Variants in GALNTL6 observed in about 807,000 individuals in gnomAD.
GALNTL6 encodes polypeptide N-acetylgalactosaminyltransferase like 6, also known as polypeptide N-acetylgalactosaminyltransferase-like 6.
A neutral mutation model predicts 73.7 loss-of-function variants in GALNTL6; 46 were observed. That is an observed-to-expected ratio of 0.62 (90% confidence interval 0.49 to 0.80). The LOEUF is 0.80. Among genes scored for constraint, GALNTL6 ranks in the 30% least tolerant of loss-of-function variants. GALNTL6 has a pLI of 0.00. For synonymous variants in GALNTL6, 259 were observed against 263.7 expected (o/e 0.98, Z 0.17); for missense variants, 604 against 755.0 (o/e 0.80, Z 2.34).
intron 5 of GALNTL6, among the ~76,000 whole-genome samples, chr4:172,426,877 C>T (rs1007155343): frequency 6.6e-6 from 1 of 151,052 alleles, no homozygotes; most frequent in African/African-American, 2.4e-5. Context: ...ACTGGACTGG[C>T]ACAGAAACAT....
intron 5 of GALNTL6, among the ~76,000 whole-genome samples, chr4:172,585,012 A>T (rs1003021870): frequency 6.6e-6 from 1 of 152,194 alleles, no homozygotes; most frequent in Admixed American, 6.5e-5. Flanking sequence ...ATGTGATGAC[A>T]TAAAATGCAC....
intron 2 of GALNTL6, among the ~76,000 whole-genome samples, chr4:171,847,385 T>A (rs1411003178): frequency 6.6e-6 from 1 of 152,170 alleles, no homozygotes; most frequent in Non-Finnish European, 1.5e-5. Context: ...TAGAGAGACT[T>A]GCCTCGATGT....
At chr4:172,422,051 T>G (rs527750947) in intron 5 of GALNTL6, among the ~76,000 whole-genome samples, 1 of 152,224 alleles carries the variant, frequency 6.6e-6, no homozygotes, top group South Asian at 2.1e-4. Context: ...TATTCACTAT[T>G]TTTTGTGCCT....
At chr4:172,489,226 C>T (rs1196219987) in intron 5 of GALNTL6, among the ~76,000 whole-genome samples, 1 of 152,088 alleles carries the variant, frequency 6.6e-6, no homozygotes, top group East Asian at 1.9e-4. Flanking sequence ...GTATAATTCT[C>T]CAAAACAATT....
At chr4:171,970,353 A>C (rs1024684103) in intron 2 of GALNTL6, among the ~76,000 whole-genome samples, 30 of 152,222 alleles carry the variant, frequency 2.0e-4, no homozygotes, top group African/African-American at 6.8e-4. Flanking sequence ...CCTTAATTAG[A>C]AATCAGAAGT....
At chr4:172,637,194 T>C (rs1264546180) in intron 5 of GALNTL6, among the ~76,000 whole-genome samples, 1 of 152,132 alleles carries the variant, frequency 6.6e-6, no homozygotes, top group Non-Finnish European at 1.5e-5. Context: ...AAGGTAAATT[T>C]GGGTAAGGAT....
intron 2 of GALNTL6, among the ~76,000 whole-genome samples, chr4:172,150,233 T>G (rs1432801348): frequency 1.3e-5 from 2 of 152,224 alleles, no homozygotes; most frequent in Admixed American, 6.5e-5. Context: ...CCTTGCATAC[T>G]CAATGTCTGC....
At chr4:171,893,329 T>G (rs1736815157) in intron 2 of GALNTL6, among the ~76,000 whole-genome samples, 1 of 152,094 alleles carries the variant, frequency 6.6e-6, no homozygotes, top group Non-Finnish European at 1.5e-5. Flanking sequence ...TCAAAACAAC[T>G]ATGTAAGATG....
intron 5 of GALNTL6, among the ~76,000 whole-genome samples, chr4:172,643,452 G>T (rs963851586): frequency 6.6e-6 from 1 of 151,918 alleles, no homozygotes; most frequent in Non-Finnish European, 1.5e-5. Flanking sequence ...TGCATTCCTT[G>T]TTTGGTGAAT....
chr4:171,833,405 A>T (rs1735028503), intron 2 of GALNTL6, among the ~76,000 whole-genome samples: 1 of 151,758 alleles, frequency 6.6e-6, no homozygotes, highest in African/African-American at 2.4e-5. Flanking sequence ...GAAGATGCTA[A>T]TATTAAGAAT....
intron 2 of GALNTL6, among the ~76,000 whole-genome samples, chr4:171,988,786 C>T (rs188830724): frequency 2.0e-5 from 3 of 152,040 alleles, no homozygotes; most frequent in East Asian, 1.9e-4. Context: ...TGGCATTGAG[C>T]CGGGTAAGAG....
At chr4:172,722,905 T>C (rs1224877872) in intron 5 of GALNTL6, among the ~76,000 whole-genome samples, 1 of 152,184 alleles carries the variant, frequency 6.6e-6, no homozygotes, top group Non-Finnish European at 1.5e-5. Flanking sequence ...CTTAAAACAG[T>C]ACAATTTTAT....
intron 5 of GALNTL6, among the ~76,000 whole-genome samples, chr4:172,607,547 G>T (rs1309398444): frequency 1.3e-5 from 2 of 152,096 alleles, no homozygotes. Flanking sequence ...TGTGAATGGT[G>T]GTGCATTGAA....
At chr4:172,696,767 G>A (rs1042709350) in intron 5 of GALNTL6, among the ~76,000 whole-genome samples, 3 of 152,002 alleles carry the variant, frequency 2.0e-5, no homozygotes, top group Admixed American at 1.3e-4. Context: ...CCCAGTCTCT[G>A]GTATGTCTTT....
chr4:172,743,702 A>G lies in GALNTL6; in HGVS notation c.554-65659A>G, dbSNP rs145026096. ...GATGAAGATCTGTCTAACAGAGAAC[A>G]TAACTGTGCAGATGTGCTATCATCC... is the stretch of plus-strand genomic sequence containing the variant. On this transcript the variant is annotated intron_variant, in intron 5 of 12. Coordinates refer to ENST00000506823, the MANE Select transcript of GALNTL6 (RefSeq NM_001034845.3). 5.9e-5 allele frequency among the ~76,000 whole-genome samples: 9 copies of G among 152,264 alleles called. No homozygotes were observed. In the East Asian group the frequency reaches 1.7e-3, roughly 29 times the overall value.
At chr4:171,845,254 G>T (rs2110850589) in intron 2 of GALNTL6, among the ~76,000 whole-genome samples, 1 of 152,210 alleles carries the variant, frequency 6.6e-6, no homozygotes, top group Admixed American at 6.5e-5. Flanking sequence ...ATTCTTGCTG[G>T]TCTCTTTGTT....
At chr4:173,014,243 A>G (rs553714080) in intron 11 of GALNTL6, among the ~76,000 whole-genome samples, 49 of 152,378 alleles carry the variant, frequency 3.2e-4, no homozygotes, top group Non-Finnish European at 5.7e-4. Flanking sequence ...GTTTGATATC[A>G]TGGTAGCATT....
chr4:172,768,370 G>C (rs1738561901), intron 5 of GALNTL6, among the ~76,000 whole-genome samples: 1 of 152,188 alleles, frequency 6.6e-6, no homozygotes, highest in Non-Finnish European at 1.5e-5. Flanking sequence ...TGGGGTATGG[G>C]AGGTCCCCAA....
intron 3 of GALNTL6, among the ~76,000 whole-genome samples, chr4:172,250,589 C>T (rs1173953282): frequency 6.6e-6 from 1 of 152,018 alleles, no homozygotes; most frequent in East Asian, 1.9e-4. Context: ...AAGAGGCTTC[C>T]CCCTTCACTC....
Sources: allele counts gnomAD v4.1 joint callset (sites outside exome capture counted in the v4.1 genomes callset), GRCh38; gene constraint gnomAD v4.1.1; transcripts MANE v1.5; gene names NCBI Gene and HGNC (gene_info 2026-07-23, HGNC 2026-07-21).